The following UBE2D2 variants were observed in gnomAD, a reference collection of about 807,000 sequenced individuals.
The protein encoded by UBE2D2 is ubiquitin-conjugating enzyme E2 D2.
UBE2D2 carries 2 observed loss-of-function variants against 24.2 expected under a neutral mutation model. The observed-to-expected ratio is 0.08, with a 90% confidence interval of 0.03 to 0.26. The LOEUF (loss-of-function observed/expected upper bound fraction) is 0.26, where lower values mean the gene tolerates loss of function less well. Ranked by LOEUF, UBE2D2 falls within the 10% of genes least tolerant of loss-of-function variation. The pLI is 1.00. For synonymous variants in UBE2D2, 58 were observed against 56.5 expected (o/e 1.03, Z -0.12); for missense variants, 44 against 177.6 (o/e 0.25, Z 4.28).
At chr5:139,563,706 G>A (rs1280351617) in intron 1 of UBE2D2, among the ~76,000 whole-genome samples, 1 of 152,192 alleles carries the variant, frequency 6.6e-6, no homozygotes, top group Non-Finnish European at 1.5e-5. Context: ...GCTGAGGTGG[G>A]TGGATCACGA....
intron 6 of UBE2D2, among the ~76,000 whole-genome samples, chr5:139,625,276 GTTTTTTT>G (rs535886136): frequency 5.9e-5 from 5 of 84,990 alleles, no homozygotes; most frequent in African/African-American, 2.4e-4. Flanking sequence ...TGGCTAATTT[GTTTTTTT>G]TTTTTTTTTT....
At chr5:139,551,796 G>A (rs1752923894) in intron 1 of UBE2D2, among the ~76,000 whole-genome samples, 1 of 152,182 alleles carries the variant, frequency 6.6e-6, no homozygotes, top group Non-Finnish European at 1.5e-5. Context: ...TGACTGGTTA[G>A]GGAAAACTTC....
chr5:139,572,987 CACAA>C (rs747367483), intron 1 of UBE2D2, among the ~76,000 whole-genome samples: 23 of 151,862 alleles, frequency 1.5e-4, no homozygotes, highest in Admixed American at 5.3e-4. Flanking sequence ...AAAATAATGT[CACAA>C]ACAGAATTAT....
At chr5:139,558,976 A>T (rs931990593), upstream of UBE2D2, among the ~76,000 whole-genome samples, 1 of 151,878 alleles carries the variant, frequency 6.6e-6, no homozygotes, top group African/African-American at 2.4e-5. Flanking sequence ...TAATTTTTAC[A>T]ATCTTCTGTA....
chr5:139,558,790 T>C (rs930778926), upstream of UBE2D2, among the ~76,000 whole-genome samples: 13 of 152,138 alleles, frequency 8.5e-5, no homozygotes, highest in African/African-American at 2.9e-4. Context: ...TAGGTATGTC[T>C]TACAACAAAT....
At chr5:139,560,190 C>T (rs1343608391), upstream of UBE2D2, among the ~76,000 whole-genome samples, 5 of 137,712 alleles carry the variant, frequency 3.6e-5, no homozygotes, top group Admixed American at 2.3e-4. Context: ...CCTGCCACCA[C>T]TCTCGGCTAT....
At chr5:139,593,831 G>T (rs887919423) in intron 1 of UBE2D2, among the ~76,000 whole-genome samples, 2 of 152,080 alleles carry the variant, frequency 1.3e-5, no homozygotes, top group African/African-American at 4.8e-5. Flanking sequence ...GACCAGGCTG[G>T]TCTGGAGCTC....
chr5:139,553,566 T>G (rs261537), intron 1 of UBE2D2, among the ~76,000 whole-genome samples: 47,135 of 151,986 alleles, frequency 0.31, 8,847 homozygotes, highest in African/African-American at 0.53. Context: ...GAACATGCAG[T>G]GTGCTTGCAA....
chr5:139,590,782 CTTTTTTTTTTTTTTT>C (rs57962602), intron 1 of UBE2D2, among the ~76,000 whole-genome samples: 7 of 38,422 alleles, frequency 1.8e-4, no homozygotes, highest in East Asian at 1.2e-3. Flanking sequence ...TTCTCTTCTT[CTTTTTTTTTTTTTTT>C]TTTTTTTTTT....
At chr5:139,601,305 A>T (rs1388155722) in intron 2 of UBE2D2, among the ~76,000 whole-genome samples, 1 of 152,184 alleles carries the variant, frequency 6.6e-6, no homozygotes, top group Non-Finnish European at 1.5e-5. Context: ...ACTAATTCAC[A>T]AAAAACTGTA....
At chr5:139,577,016 TAGAG>T (rs1332464525) in intron 1 of UBE2D2, among the ~76,000 whole-genome samples, 1 of 145,590 alleles carries the variant, frequency 6.9e-6, no homozygotes, top group African/African-American at 2.6e-5. Flanking sequence ...ATTTTGCAAA[TAGAG>T]AGCCAGTCTT....
chr5:139,612,402 T>G (rs1754342663), intron 2 of UBE2D2: 1 of 152,618 alleles, frequency 6.6e-6, no homozygotes, highest in Non-Finnish European at 1.5e-5. Context: ...CTTGTACTAG[T>G]CATGATCTAG....
At chr5:139,574,006 CTCCTAGA>C (rs1753410325) in intron 1 of UBE2D2, among the ~76,000 whole-genome samples, 1 of 151,306 alleles carries the variant, frequency 6.6e-6, no homozygotes, top group African/African-American at 2.4e-5. Context: ...AAATGTCTCT[CTCCTAGA>C]TATAAGTCAA....
At chr5:139,609,802 C>G (rs1188795551) in intron 2 of UBE2D2, among the ~76,000 whole-genome samples, 1 of 139,268 alleles carries the variant, frequency 7.2e-6, no homozygotes, top group Non-Finnish European at 1.5e-5. Context: ...GATGGAGTCT[C>G]GCACTGTTGC....
intron 1 of UBE2D2, among the ~76,000 whole-genome samples, chr5:139,548,187 AAAAAAAAAAT>A (rs1752861931): frequency 1.2e-4 from 6 of 49,308 alleles, no homozygotes; most frequent in African/African-American, 6.3e-4. Flanking sequence ...AAAAAAATAA[AAAAAAAAAAT>A]AAATAAATAA....
At chr5:139,532,271 C>T (rs574726796) in intron 1 of UBE2D2, among the ~76,000 whole-genome samples, 70 of 150,536 alleles carry the variant, frequency 4.7e-4, no homozygotes, top group Middle Eastern at 3.4e-3. Flanking sequence ...CTCCACCTCC[C>T]GGGTTCAAGC....
At chr5:139,595,811 C>T (rs1441157313) in intron 1 of UBE2D2, among the ~76,000 whole-genome samples, 1 of 150,994 alleles carries the variant, frequency 6.6e-6, no homozygotes. Context: ...ATATAGTTCT[C>T]ATTCTCACCC....
In UBE2D2 at chr5:139,600,354, T is replaced by C; in HGVS notation, c.25-18T>C. The stretch of plus-strand genomic sequence containing the variant: ...ACATTTATGTTGAATATATTTCTTT[T>C]CTTTCTTTTTTCTGTAGGAATTGAA... On this transcript the variant is annotated intron_variant, in intron 1 of 6. Transcript: ENST00000398733. 6.2e-7 allele frequency: 1 copy of C among 1,613,068 alleles called. No homozygotes were observed.
intron 1 of UBE2D2, among the ~76,000 whole-genome samples, chr5:139,538,814 G>C (rs1042633473): frequency 2.0e-5 from 3 of 151,476 alleles, no homozygotes; most frequent in Non-Finnish European, 2.9e-5. Context: ...CGGAGGTTGC[G>C]GTGAGCGATC....
Sources: allele counts gnomAD v4.1 joint callset (sites outside exome capture counted in the v4.1 genomes callset), GRCh38; gene constraint gnomAD v4.1.1; transcripts MANE v1.5; gene names NCBI Gene and HGNC (gene_info 2026-07-23, HGNC 2026-07-21).